The following NTM variants were observed in gnomAD, a reference collection of about 807,000 sequenced individuals.
The protein encoded by NTM is neurotrimin, also known as IgLON family member 2.
Under a neutral mutation model 42.1 loss-of-function variants are expected in NTM, and 13 were observed. The ratio of observed to expected loss-of-function variants is 0.31; its 90% CI spans 0.20 to 0.49. The LOEUF is 0.49. Among genes scored for constraint, NTM ranks in the 20% least tolerant of loss-of-function variants. The probability of loss-of-function intolerance (pLI) is 0.99; values close to 1 mark genes in which losing one functional copy is unlikely to be tolerated. For synonymous variants in NTM, 187 were observed against 179.2 expected, an observed-to-expected ratio of 1.04 and a Z score of -0.35; for missense variants, 373 against 452.8, an observed-to-expected ratio of 0.82 and a Z score of 1.60.
Position 131,789,596 on chromosome 11 carries a change from A to G in NTM, c.83-121968A>G, listed in dbSNP as rs1405443402. On this transcript the variant is annotated intron_variant, in intron 1 of 8. Transcript: ENST00000683400. Reference sequence around the variant, plus strand: ...GAAGAAGAAGAAGAAGAAGAAGAAGAAGAAGAAGAAGAAGAAGAAGAAGAA... The same window carrying G: ...GAAGAAGAAGAAGAAGAAGAAGAAGGAGAAGAAGAAGAAGAAGAAGAAGAA... Among the ~76,000 whole-genome samples, 23 of 65,132 alleles carry G rather than the reference A, an allele frequency of 3.5e-4. 2 individuals carry two copies. The highest frequency in any genetic ancestry group is 7.3e-4 in the African/African-American group (10 of 13,636). The allele number at this position is 65,132 out of a possible 152,430, so 42.7% of individuals were successfully genotyped here.
chr11:131,703,950 C>T (rs1036373768), intron 1 of NTM, among the ~76,000 whole-genome samples: 12 of 152,168 alleles, frequency 7.9e-5, no homozygotes, highest in Non-Finnish European at 1.5e-4. Flanking sequence ...CCCACAGCTC[C>T]AGCCTCTAGG....
At chr11:131,655,313 G>C (rs2067037771) in intron 1 of NTM, among the ~76,000 whole-genome samples, 4 of 152,230 alleles carry the variant, frequency 2.6e-5, no homozygotes, top group Admixed American at 2.0e-4. Flanking sequence ...CCCTACACCA[G>C]AGCTATCCTT....
At chr11:131,377,390 C>A (rs1206096966) in intron 1 of NTM, among the ~76,000 whole-genome samples, 1 of 152,192 alleles carries the variant, frequency 6.6e-6, no homozygotes, top group East Asian at 1.9e-4. Context: ...TATGCCCTGA[C>A]TTCTGCACAG....
intron 1 of NTM, among the ~76,000 whole-genome samples, chr11:131,398,937 C>T (rs1260600526): frequency 6.6e-6 from 1 of 152,080 alleles, no homozygotes; most frequent in African/African-American, 2.4e-5. Context: ...TTTTAGTACC[C>T]AGTGGTTGAG....
rs2069441190 is a variant in NTM at position 132,002,191 on chromosome 11, A to G, written c.167+90543A>G. On this transcript the variant is annotated intron_variant, in intron 2 of 8. Coordinates refer to ENST00000683400, the MANE Select transcript of NTM (RefSeq NM_001352005.2). This position sits in a 1 kb window ranked among gnomAD's most constrained non-coding sequence, Gnocchi z 4.5. The stretch of plus-strand genomic sequence containing the variant: ...GGTATTGGACTTTTCTCCATTGGCA[A>G]CAGAGAGTCACTGAAGGTTTTGAAT... 6.6e-6 allele frequency among the ~76,000 whole-genome samples: 1 copy of G among 152,218 alleles called. No individual in the cohort carries two copies. Among genetic ancestry groups the G allele is most frequent in the African/African-American group, 2.4e-5 (1 of 41,452 alleles).
intron 1 of NTM, among the ~76,000 whole-genome samples, chr11:131,718,011 G>A (rs559578179): frequency 6.6e-6 from 1 of 152,170 alleles, no homozygotes; most frequent in Admixed American, 6.5e-5. Context: ...GAAGTACATT[G>A]GTTGATTATT....
intron 2 of NTM, among the ~76,000 whole-genome samples, chr11:131,916,188 T>C (rs1329655695): frequency 6.6e-6 from 1 of 152,192 alleles, no homozygotes. Context: ...TCCTAGCTCC[T>C]GGGTGGAAGT....
intron 1 of NTM, among the ~76,000 whole-genome samples, chr11:131,872,612 G>C (rs930748314): frequency 2.6e-5 from 4 of 152,284 alleles, no homozygotes; most frequent in African/African-American, 9.6e-5. Flanking sequence ...TGCATGTATA[G>C]TTGAAAGAAT....
At chr11:131,552,328 T>A (rs1478599781) in intron 1 of NTM, among the ~76,000 whole-genome samples, 1 of 152,148 alleles carries the variant, frequency 6.6e-6, no homozygotes, top group Non-Finnish European at 1.5e-5. Flanking sequence ...TGCCTTTATC[T>A]ACCAAAACTT....
intron 2 of NTM, among the ~76,000 whole-genome samples, chr11:132,119,347 C>T (rs1318590569): frequency 6.3e-5 from 4 of 63,258 alleles, no homozygotes; most frequent in African/African-American, 3.2e-4. Flanking sequence ...ACTCCTTGTA[C>T]TCCTGGAATG....
At chr11:131,446,732 T>C (rs1432291410) in intron 1 of NTM, among the ~76,000 whole-genome samples, 1 of 152,196 alleles carries the variant, frequency 6.6e-6, no homozygotes, top group African/African-American at 2.4e-5. Context: ...TACACATATG[T>C]ATGGCCATTG....
chr11:131,899,391 C>A (rs1348202812), intron 1 of NTM, among the ~76,000 whole-genome samples: 1 of 152,136 alleles, frequency 6.6e-6, no homozygotes, highest in South Asian at 2.1e-4. Flanking sequence ...AATGCCTTTA[C>A]CAAGTGTACA....
intron 1 of NTM, among the ~76,000 whole-genome samples, chr11:131,562,154 C>T (rs1187671845): frequency 6.6e-6 from 1 of 152,148 alleles, no homozygotes; most frequent in African/African-American, 2.4e-5. Context: ...AGGATGCAGC[C>T]AGTCAGGCCT....
At chr11:132,089,810 C>T (rs915539690) in intron 2 of NTM, among the ~76,000 whole-genome samples, 4 of 152,060 alleles carry the variant, frequency 2.6e-5, no homozygotes, top group African/African-American at 9.7e-5. Flanking sequence ...CTGTTAAAGG[C>T]TTTTTTCAAA....
chr11:131,492,807 C>T (rs9943476), intron 1 of NTM, among the ~76,000 whole-genome samples: 3 of 152,040 alleles, frequency 2.0e-5, no homozygotes, highest in South Asian at 2.1e-4. Flanking sequence ...ACTGAGTATA[C>T]GCAGATCTGT....
At chr11:132,258,659 G>A (rs558115639) in intron 4 of NTM, among the ~76,000 whole-genome samples, 8 of 152,198 alleles carry the variant, frequency 5.3e-5, no homozygotes, top group South Asian at 2.1e-4. Flanking sequence ...AAGAGAAAGC[G>A]GACAACTCTA....
At chr11:131,802,361 G>A (rs972335275) in intron 1 of NTM, among the ~76,000 whole-genome samples, 1 of 152,118 alleles carries the variant, frequency 6.6e-6, no homozygotes, top group Non-Finnish European at 1.5e-5. Flanking sequence ...CAGCATTTCA[G>A]CTACTTGGGG....
intron 1 of NTM, among the ~76,000 whole-genome samples, chr11:131,514,805 G>A (rs388618): frequency 0.15 from 22,793 of 151,982 alleles, 1,907 homozygotes; most frequent in Middle Eastern, 0.22. Flanking sequence ...TACCCATGCT[G>A]GTATTGAACT....
chr11:131,951,329 C>A (rs143044482), intron 2 of NTM, among the ~76,000 whole-genome samples: 119 of 152,202 alleles, frequency 7.8e-4, no homozygotes, highest in African/African-American at 2.7e-3. Flanking sequence ...CACTTAACAG[C>A]CATTAGCCTA....
Sources: gnomAD v4.1 joint callset for allele counts (sites outside exome capture counted in the v4.1 genomes callset) on GRCh38, gnomAD v4.1.1 for gene constraint, Gnocchi (gnomAD v3.1) non-coding constraint, MANE v1.5 for transcripts, NCBI Gene and HGNC (gene_info 2026-07-23, HGNC 2026-07-21) for gene names.